BNC2: variants seen among roughly 807,000 people sequenced by gnomAD.
BNC2 encodes zinc finger protein basonuclin-2.
A neutral mutation model predicts 76.3 loss-of-function variants in BNC2; 20 were observed. The ratio of observed to expected loss-of-function variants is 0.26; its 90% CI spans 0.18 to 0.38. The LOEUF (loss-of-function observed/expected upper bound fraction) is 0.38. Among genes scored for constraint, BNC2 ranks in the 10% least tolerant of loss-of-function variants. The pLI is 1.00. For missense variants in BNC2, 1,382 were observed against 1,399.8 expected (o/e 0.99, Z 0.20); for synonymous variants, 582 against 514.8 (o/e 1.13, Z -1.77).
intron 3 of BNC2, among the ~76,000 whole-genome samples, chr9:16,707,191 G>T (rs1448421901): frequency 6.6e-6 from 1 of 150,776 alleles, no homozygotes; most frequent in Non-Finnish European, 1.5e-5. Flanking sequence ...AACAGAGCAA[G>T]ACTCCGCCCC....
chr9:16,821,260 T>C (rs1257309555), intron 1 of BNC2, among the ~76,000 whole-genome samples: 1 of 150,480 alleles, frequency 6.6e-6, no homozygotes, highest in East Asian at 1.9e-4. Flanking sequence ...AAAAAAAGGA[T>C]TCAAGGAGGA....
intron 4 of BNC2, among the ~76,000 whole-genome samples, chr9:16,572,530 G>A (rs1358579140): frequency 1.3e-5 from 2 of 152,190 alleles, no homozygotes; most frequent in Non-Finnish European, 2.9e-5. Context: ...AGCACACAAA[G>A]GTGAAGTGCC....
intron 1 of BNC2, among the ~76,000 whole-genome samples, chr9:16,834,571 T>C (rs1818659292): frequency 6.6e-6 from 1 of 152,224 alleles, no homozygotes; most frequent in African/African-American, 2.4e-5. Flanking sequence ...ACAATGCTAC[T>C]TCCTTAGAGT....
intron 5 of BNC2, among the ~76,000 whole-genome samples, chr9:16,480,251 T>C (rs199613823): frequency 6.6e-6 from 1 of 152,254 alleles, no homozygotes; most frequent in East Asian, 1.9e-4. Flanking sequence ...CTCAGTACAC[T>C]GCACAGCCTC....
chr9:16,744,825 T>C (rs1824952562), intron 1 of BNC2, among the ~76,000 whole-genome samples: 1 of 152,228 alleles, frequency 6.6e-6, no homozygotes, highest in Non-Finnish European at 1.5e-5. Flanking sequence ...ATGTGAAAGC[T>C]TATAGCATTT....
At chr9:16,860,121 C>CAAAAAAA (rs34877213) in intron 1 of BNC2, among the ~76,000 whole-genome samples, 1 of 135,736 alleles carries the variant, frequency 7.4e-6, no homozygotes. Context: ...GACTCCATCT[C>CAAAAAAA]AAAAAAAAAA....
At chr9:16,716,679 T>C (rs1266193638) in intron 3 of BNC2, among the ~76,000 whole-genome samples, 1 of 152,224 alleles carries the variant, frequency 6.6e-6, no homozygotes, top group Non-Finnish European at 1.5e-5. Context: ...TTACGTATCA[T>C]GCAAACTGTA....
Position 16,416,716 on chromosome 9 carries a change from C to G in BNC2, c.*2273G>C, listed in dbSNP as rs13297729. ...ATTAAAATGGACCCCATAGCATCCT[C>G]TGAAGGAGGTGAAAAGATAAAGCTC... is the stretch of plus-strand genomic sequence containing the variant. On this transcript the variant is annotated 3_prime_UTR_variant, in exon 7 of 7. Transcript: ENST00000380672. 1 of 152,628 alleles carries G rather than the reference C, an allele frequency of 6.6e-6. No homozygotes were observed. The highest frequency in any genetic ancestry group is 1.5e-5 in the Non-Finnish European group (1 of 68,036). 9.5% of individuals were successfully genotyped at this position (152,628 alleles called of 1,614,324 possible).
intron 2 of BNC2, among the ~76,000 whole-genome samples, chr9:16,735,622 G>A (rs996247145): frequency 2.6e-5 from 4 of 151,882 alleles, no homozygotes; most frequent in Middle Eastern, 3.2e-3. Context: ...TCAGCCTACC[G>A]AGTAGCTGGG....
intron 4 of BNC2, among the ~76,000 whole-genome samples, chr9:16,578,010 C>G (rs1339875847): frequency 6.6e-6 from 1 of 152,038 alleles, no homozygotes; most frequent in East Asian, 1.9e-4. Flanking sequence ...GCTCACCTCA[C>G]ATACCTAGGA....
intron 5 of BNC2, among the ~76,000 whole-genome samples, chr9:16,480,421 C>T (rs1247356953): frequency 1.3e-5 from 2 of 152,220 alleles, no homozygotes; most frequent in South Asian, 2.1e-4. Context: ...CTTGAGGAGC[C>T]CTTCAGCCCA....
intron 3 of BNC2, among the ~76,000 whole-genome samples, chr9:16,614,157 A>G (rs1225962555): frequency 6.6e-6 from 1 of 152,348 alleles, no homozygotes; most frequent in Admixed American, 6.5e-5. Flanking sequence ...TTTCACTGTC[A>G]CAAGCCTGAA....
At chr9:16,519,474 T>C (rs1334734990) in intron 5 of BNC2, among the ~76,000 whole-genome samples, 1 of 152,204 alleles carries the variant, frequency 6.6e-6, no homozygotes, top group Non-Finnish European at 1.5e-5. Context: ...CAACCCTCAC[T>C]TCTGGGAGAG....
At chr9:16,501,650 C>T (rs1822521569) in intron 5 of BNC2, among the ~76,000 whole-genome samples, 1 of 152,126 alleles carries the variant, frequency 6.6e-6, no homozygotes, top group African/African-American at 2.4e-5. Context: ...TTCACTTATC[C>T]TGAGATACAT....
chr9:16,702,621 T>G (rs897741565), intron 3 of BNC2, among the ~76,000 whole-genome samples: 38 of 95,520 alleles, frequency 4.0e-4, no homozygotes, highest in African/African-American at 9.3e-4. Context: ...AACATTTTAT[T>G]TAAACTTATT....
intron 5 of BNC2, among the ~76,000 whole-genome samples, chr9:16,541,548 A>T (rs1357433034): frequency 1.3e-5 from 2 of 152,236 alleles, no homozygotes; most frequent in African/African-American, 4.8e-5. Context: ...TCTGGCAGAG[A>T]TGACAGCACA....
chr9:16,584,157 C>A (rs1428972593), intron 3 of BNC2, among the ~76,000 whole-genome samples: 1 of 152,004 alleles, frequency 6.6e-6, no homozygotes, highest in African/African-American at 2.4e-5. Context: ...GATCTCTCTG[C>A]AGATTTAGAT....
At chr9:16,547,024 G>A (rs1009496939) in intron 5 of BNC2, among the ~76,000 whole-genome samples, 64 of 152,316 alleles carry the variant, frequency 4.2e-4, no homozygotes, top group African/African-American at 1.5e-3. Flanking sequence ...AGCTTACAGT[G>A]TATCAACTGT....
At chr9:16,728,291 G>A in intron 2 of BNC2, 1 of 472,698 alleles carries the variant, frequency 2.1e-6, no homozygotes. Context: ...TCATTGGATA[G>A]CAGAGCTAAG....
Sources: allele counts gnomAD v4.1 joint callset (sites outside exome capture counted in the v4.1 genomes callset), GRCh38; gene constraint gnomAD v4.1.1; transcripts MANE v1.5; gene names NCBI Gene and HGNC (gene_info 2026-07-23, HGNC 2026-07-21).